CNTNAP2: variants seen among roughly 807,000 people sequenced by gnomAD.
CNTNAP2 encodes contactin associated protein 2.
CNTNAP2 carries 98 observed loss-of-function variants against 155.2 expected under a neutral mutation model. The ratio of observed to expected loss-of-function variants is 0.63; its 90% CI spans 0.54 to 0.75. The LOEUF (loss-of-function observed/expected upper bound fraction) is 0.75. Ranked by LOEUF, CNTNAP2 falls within the 30% of genes least tolerant of loss-of-function variation. CNTNAP2 has a pLI of 0.00. For synonymous variants in CNTNAP2, 651 were observed against 631.2 expected (o/e 1.03, Z -0.47); for missense variants, 1,727 against 1,688.1 (o/e 1.02, Z -0.40).
intron 13 of CNTNAP2, among the ~76,000 whole-genome samples, chr7:147,867,374 C>A (rs1299313435): frequency 1.3e-5 from 2 of 152,136 alleles, no homozygotes; most frequent in Non-Finnish European, 2.9e-5. Flanking sequence ...TCTGGCTGCC[C>A]TTAATATTTT....
At chr7:148,341,549 G>A (rs532122743) in intron 21 of CNTNAP2, among the ~76,000 whole-genome samples, 1 of 152,164 alleles carries the variant, frequency 6.6e-6, no homozygotes, top group South Asian at 2.1e-4. Flanking sequence ...ATCAGAAAAC[G>A]GAGGCTTCAG....
intron 13 of CNTNAP2, among the ~76,000 whole-genome samples, chr7:147,762,447 C>T (rs28497948): frequency 0.019 from 2,848 of 151,988 alleles, 67 homozygotes; most frequent in African/African-American, 0.064. Flanking sequence ...AGTTGTAAGC[C>T]TACTGAATCT....
At chr7:147,667,633 A>G (rs1795717516) in intron 13 of CNTNAP2, among the ~76,000 whole-genome samples, 1 of 152,020 alleles carries the variant, frequency 6.6e-6, no homozygotes, top group South Asian at 2.1e-4. Context: ...ATTGTTGGTG[A>G]TGGTCCCACA....
chr7:147,462,512 T>G (rs1409217666), intron 10 of CNTNAP2, among the ~76,000 whole-genome samples: 2 of 152,194 alleles, frequency 1.3e-5, no homozygotes, highest in Admixed American at 1.3e-4. Flanking sequence ...TTGATTTGAA[T>G]GTATGTTCTC....
chr7:148,317,576 A>G (rs1797713115), intron 21 of CNTNAP2, among the ~76,000 whole-genome samples: 1 of 152,212 alleles, frequency 6.6e-6, no homozygotes, highest in African/African-American at 2.4e-5. Flanking sequence ...TTATTAAAGT[A>G]AACTGCAGTC....
chr7:148,139,284 G>A (rs567476208), intron 16 of CNTNAP2, among the ~76,000 whole-genome samples: 19 of 152,098 alleles, frequency 1.2e-4, no homozygotes, highest in Non-Finnish European at 2.5e-4. Context: ...ATGCATATAT[G>A]ACTCTAAAAA....
chr7:148,194,241 A>G (rs1795240526), intron 18 of CNTNAP2, among the ~76,000 whole-genome samples: 2 of 151,264 alleles, frequency 1.3e-5, no homozygotes, highest in Admixed American at 1.3e-4. Context: ...CAAGCAATCC[A>G]CCTGCTTTGG....
chr7:147,565,033 A>G (rs554193123), intron 12 of CNTNAP2, among the ~76,000 whole-genome samples: 1 of 152,152 alleles, frequency 6.6e-6, no homozygotes, highest in Non-Finnish European at 1.5e-5. Flanking sequence ...GGGCTATTCC[A>G]TTTTCAAGAG....
chr7:148,142,491 C>G (rs75304400), intron 16 of CNTNAP2, among the ~76,000 whole-genome samples: 5,451 of 152,232 alleles, frequency 0.036, 320 homozygotes, highest in African/African-American at 0.12. Context: ...TGTTGTATGA[C>G]TCAAATGAGA....
chr7:147,662,426 G>A (rs1202163533), intron 13 of CNTNAP2, among the ~76,000 whole-genome samples: 1 of 152,206 alleles, frequency 6.6e-6, no homozygotes, highest in East Asian at 1.9e-4. Flanking sequence ...TAAAATTAAG[G>A]TGTAGGGGTT....
chr7:148,102,772 T>C (rs1023484844), intron 15 of CNTNAP2, among the ~76,000 whole-genome samples: 1 of 152,188 alleles, frequency 6.6e-6, no homozygotes, highest in African/African-American at 2.4e-5. Context: ...CATATAGCTT[T>C]GGGGCCTGTA....
intron 10 of CNTNAP2, among the ~76,000 whole-genome samples, chr7:147,454,217 A>G (rs1797882490): frequency 6.6e-6 from 1 of 152,174 alleles, no homozygotes; most frequent in Non-Finnish European, 1.5e-5. Context: ...TTCCCATGCC[A>G]TACATTTCTA....
chr7:146,273,084 GAA>G (rs200976773), intron 1 of CNTNAP2, among the ~76,000 whole-genome samples: 3,539 of 147,280 alleles, frequency 0.024, 149 homozygotes, highest in African/African-American at 0.089. Flanking sequence ...GAGAGAAAGA[GAA>G]AGAGAGAGAG....
At position 148,168,323 on chromosome 7, in the gene CNTNAP2, C is replaced by A. The variant is rs1242961416; in HGVS notation, c.2774-3919C>A. ...ACTTGGAACCAAGCCAAATGTCCAA[C>A]AATGATAGACTGGATTAAGAAAATG... is the stretch of plus-strand genomic sequence containing the variant. On this transcript the variant is annotated intron_variant, in intron 17 of 23. Transcript: ENST00000361727. Among the ~76,000 whole-genome samples the A allele has an allele frequency of 1.3e-5, 2 of 151,976 alleles. 1 individual carries two copies. Among genetic ancestry groups the A allele is most frequent in the African/African-American group, 4.8e-5 (2 of 41,352 alleles).
intron 1 of CNTNAP2, among the ~76,000 whole-genome samples, chr7:146,179,959 A>ATG (rs768529077): frequency 6.6e-6 from 1 of 152,148 alleles, no homozygotes; most frequent in East Asian, 1.9e-4. Flanking sequence ...TCAGTGCTGT[A>ATG]TGTGTGTGTG....
At chr7:148,368,496 A>G (rs1004329631) in intron 21 of CNTNAP2, among the ~76,000 whole-genome samples, 1 of 152,154 alleles carries the variant, frequency 6.6e-6, no homozygotes, top group Middle Eastern at 3.2e-3. Flanking sequence ...TTCCTAGCTC[A>G]TGTGATTCTG....
At chr7:146,935,412 C>T (rs1796892201) in intron 3 of CNTNAP2, among the ~76,000 whole-genome samples, 1 of 152,174 alleles carries the variant, frequency 6.6e-6, no homozygotes, top group South Asian at 2.1e-4. Flanking sequence ...TTAAATGGTA[C>T]ATACGTTGCC....
chr7:146,203,208 ACTAT>A (rs1028995513), intron 1 of CNTNAP2, among the ~76,000 whole-genome samples: 3 of 152,182 alleles, frequency 2.0e-5, no homozygotes, highest in Non-Finnish European at 4.4e-5. Flanking sequence ...CAATTCTAAC[ACTAT>A]CCATCTGGAG....
At chr7:146,307,622 C>G (rs975206261) in intron 1 of CNTNAP2, among the ~76,000 whole-genome samples, 2 of 152,040 alleles carry the variant, frequency 1.3e-5, no homozygotes, top group South Asian at 4.2e-4. Context: ...GTACTGGTAC[C>G]AAAACAGAGA....
Sources: gnomAD v4.1 joint callset for allele counts (sites outside exome capture counted in the v4.1 genomes callset) on GRCh38, gnomAD v4.1.1 for gene constraint, MANE v1.5 for transcripts, NCBI Gene and HGNC (gene_info 2026-07-23, HGNC 2026-07-21) for gene names.